HLA-DQB1: variants seen among roughly 807,000 people sequenced by gnomAD.
The protein encoded by HLA-DQB1 is major histocompatibility complex, class II, DQ beta 1.
HLA-DQB1 carries 13 observed loss-of-function variants against 26.4 expected under a neutral mutation model. That is an observed-to-expected ratio of 0.49 (90% CI 0.32 to 0.78). The LOEUF is 0.78. Among genes scored for constraint, HLA-DQB1 ranks in the 30% least tolerant of loss-of-function variants. The pLI, the probability that HLA-DQB1 is intolerant of heterozygous loss-of-function variation, is 0.03. For synonymous variants in HLA-DQB1, 60 were observed against 129.1 expected (o/e 0.46, Z 3.63); for missense variants, 158 against 326.2 (o/e 0.48, Z 3.97).
exon 3 of HLA-DQB1, chr6:32,662,094 G>A (rs9273972): frequency 1.3e-6 from 2 of 1,520,690 alleles, no homozygotes; most frequent in African/African-American, 2.9e-5. Flanking sequence ...TCCTAATAAG[G>A]GGGGTGGACA....
At chr6:32,660,033 C>T (rs1024133287) in exon 5 of HLA-DQB1, 3 of 344,784 alleles carry the variant, frequency 8.7e-6, no homozygotes, top group Non-Finnish European at 1.6e-5. Context: ...CAGGCAGAGG[C>T]TCTGGGTCAG....
At chr6:32,661,543 A>T (rs9273713) in intron 3 of HLA-DQB1, 86 bp from the exon 4 acceptor site, 4 of 818,596 alleles carry the variant, frequency 4.9e-6, no homozygotes, top group Non-Finnish European at 7.1e-6. Flanking sequence ...TGAGGTGCAG[A>T]AGGTGAAGGC....
intron 4 of HLA-DQB1, chr6:32,660,519 A>C: frequency 2.8e-6 from 1 of 358,058 alleles, no homozygotes; most frequent in Non-Finnish European, 5.0e-6. Context: ...ATTGGATGAT[A>C]TCTCTTCCCG....
At chr6:32,661,043 AT>A (rs374739737) in intron 4 of HLA-DQB1, among the ~76,000 whole-genome samples, 1,959 of 144,278 alleles carry the variant, frequency 0.014, 62 homozygotes, top group African/African-American at 0.043. Flanking sequence ...AACAAAGGAA[AT>A]TGTCACTAGA....
chr6:32,665,829 T>TGC (rs113407907), intron 1 of HLA-DQB1, among the ~76,000 whole-genome samples: 24,370 of 89,858 alleles, frequency 0.27, 3,502 homozygotes, highest in East Asian at 0.51. Context: ...TAAAGTATTG[T>TGC]TCTGTCTGAA....
At chr6:32,660,504 A>T in intron 4 of HLA-DQB1, 1 of 352,144 alleles carries the variant, frequency 2.8e-6, no homozygotes, top group Non-Finnish European at 5.1e-6. Context: ...CAGTCTTTTT[A>T]GGAAATTGGA....
At chr6:32,661,191 A>C (rs1034289784) in intron 4 of HLA-DQB1, among the ~76,000 whole-genome samples, 156 bp downstream of exon 4, 1 of 118,924 alleles carries the variant, frequency 8.4e-6, no homozygotes, top group African/African-American at 3.0e-5. Context: ...CCTTTCAACC[A>C]GTAAAATCAG....
chr6:32,663,418 T>C (rs367543278), intron 2 of HLA-DQB1: 1 of 37,374 alleles, frequency 2.7e-5, no homozygotes, highest in East Asian at 1.0e-3. Flanking sequence ...CAATGCCGCA[T>C]TAACACACAG....
intron 4 of HLA-DQB1, chr6:32,660,827 CT>C (rs1426136743): frequency 3.1e-6 from 4 of 1,283,082 alleles, no homozygotes; most frequent in Admixed American, 2.2e-5. Flanking sequence ...ATACCTGTGC[CT>C]CCCCACACTG....
chr6:32,665,543 T>C (rs28746819), intron 1 of HLA-DQB1, among the ~76,000 whole-genome samples: 2,746 of 108,276 alleles, frequency 0.025, 440 homozygotes, highest in East Asian at 0.062. Flanking sequence ...TAAAATACCT[T>C]CCTTCCCATG....
chr6:32,664,577 G>T, intron 2 of HLA-DQB1: 2 of 257,560 alleles, frequency 7.8e-6, no homozygotes, highest in South Asian at 8.5e-5. Flanking sequence ...GGCTGGGGGG[G>T]ACACTAGGCA....
chr6:32,665,690 A>G (rs62404143), intron 1 of HLA-DQB1, among the ~76,000 whole-genome samples: 8,420 of 122,786 alleles, frequency 0.069, 534 homozygotes, highest in South Asian at 0.094. Flanking sequence ...CTAGATTCCA[A>G]TTAAACTGTG....
chr6:32,660,980 C>T (rs879250334), intron 4 of HLA-DQB1: 1 of 704,804 alleles, frequency 1.4e-6, no homozygotes, highest in Non-Finnish European at 2.4e-6. Flanking sequence ...GTTACATTCT[C>T]TTCCCACCCA....
At chr6:32,661,722 T>C (rs9273802) in intron 3 of HLA-DQB1, 1 of 446,690 alleles carries the variant, frequency 2.2e-6, no homozygotes, top group Non-Finnish European at 3.9e-6. Flanking sequence ...GCCCTAAGAA[T>C]CAGTCCCTCA....
intron 1 of HLA-DQB1, among the ~76,000 whole-genome samples, chr6:32,666,085 G>A (rs281861194): frequency 8.9e-6 from 1 of 112,534 alleles, no homozygotes; most frequent in Non-Finnish European, 1.9e-5. Context: ...AGAGACTACA[G>A]ACACCATTGC....
At chr6:32,661,828 C>T (rs9273853) in intron 3 of HLA-DQB1, 139 bp downstream of exon 3, 2 of 709,830 alleles carry the variant, frequency 2.8e-6, no homozygotes, top group Non-Finnish European at 4.7e-6. Context: ...GATGCACTTG[C>T]CATGGAGCAA....
exon 2 of HLA-DQB1, chr6:32,664,903 A>G: frequency 1.5e-6 from 2 of 1,367,820 alleles, no homozygotes; most frequent in Non-Finnish European, 2.1e-6. Context: ...CTGTTCCAGT[A>G]CTCGGCATCA....
exon 5 of HLA-DQB1, chr6:32,659,853 C>A: frequency 6.2e-6 from 1 of 160,388 alleles, no homozygotes; most frequent in Non-Finnish European, 1.4e-5. Context: ...TGATTTCCTG[C>A]CTCTTCTCAA....
intron 3 of HLA-DQB1, 23 bp from the exon 4 acceptor site, chr6:32,661,480 T>G (rs9273677): frequency 0.082 from 83,773 of 1,023,126 alleles, 19,077 homozygotes; most frequent in South Asian, 0.2. Context: ...ACTGAGTGTC[T>G]GTGTTTGTCC....
Sources: gnomAD v4.1 joint callset for allele counts (sites outside exome capture counted in the v4.1 genomes callset) on GRCh38, gnomAD v4.1.1 for gene constraint, MANE v1.5 for transcripts, NCBI Gene and HGNC (gene_info 2026-07-23, HGNC 2026-07-21) for gene names.